Variants in PLEKHA7 observed in about 807,000 individuals in gnomAD.
The protein encoded by PLEKHA7 is pleckstrin homology domain-containing family A member 7.
A neutral mutation model predicts 170.0 loss-of-function variants in PLEKHA7; 104 were observed. The ratio of observed to expected loss-of-function variants is 0.61; its 90% CI spans 0.52 to 0.72. PLEKHA7 has a LOEUF of 0.72. PLEKHA7 is among the 30% of genes least tolerant of loss of function. The probability of loss-of-function intolerance (pLI) is 0.00; values close to 1 mark genes in which losing one functional copy is unlikely to be tolerated. For synonymous variants in PLEKHA7, 648 were observed against 660.8 expected (o/e 0.98, Z 0.30); for missense variants, 1,615 against 1,671.7 (o/e 0.97, Z 0.59).
In PLEKHA7 at chr11:16,791,857, T is replaced by C. The variant is rs927954840; in HGVS notation, c.2746-658A>G. The C allele has an allele frequency of 8.1e-6, 3 of 370,434 alleles. No homozygotes were observed. The highest frequency in any genetic ancestry group is 2.0e-5 in the South Asian group (1 of 50,398). The allele number at this position is 370,434 out of a possible 1,614,324, so 22.9% of individuals were successfully genotyped here. A position where few individuals can be genotyped will look rare whatever the true frequency, so the allele number is the denominator to read the frequency against. On this transcript the variant is annotated intron_variant, in intron 19 of 26. Coordinates refer to ENST00000531066, the MANE Select transcript of PLEKHA7 (RefSeq NM_001329630.2). The surrounding 1 kb of genome is among the most constrained non-coding windows in gnomAD (Gnocchi z 4.5). ...ATGCAACATTTTCCTTGAAACTCCC[T>C]GTCCACAGTGTTCTGTGAGGGCTGT...
intron 3 of PLEKHA7, among the ~76,000 whole-genome samples, chr11:16,994,769 C>T (rs778693023): frequency 2.5e-4 from 38 of 152,140 alleles, no homozygotes; most frequent in Admixed American, 2.0e-4. Flanking sequence ...AGATCCAGCT[C>T]GGGCTCTCCA....
chr11:16,786,860 A>G (rs1346885436), intron 23 of PLEKHA7: 1 of 985,302 alleles, frequency 1.0e-6, no homozygotes, highest in Non-Finnish European at 1.2e-6. Flanking sequence ...AATTTTCAAC[A>G]AGATAACATT....
At chr11:16,916,508 C>G (rs1376296009) in intron 3 of PLEKHA7, among the ~76,000 whole-genome samples, 1 of 152,198 alleles carries the variant, frequency 6.6e-6, no homozygotes, top group Non-Finnish European at 1.5e-5. Context: ...ATGAGGAAAA[C>G]AGTCCCTACC....
chr11:16,873,308 G>A (rs1211668274), intron 3 of PLEKHA7, among the ~76,000 whole-genome samples: 2 of 152,180 alleles, frequency 1.3e-5, no homozygotes, highest in East Asian at 3.9e-4. Flanking sequence ...CAGAACCTCT[G>A]ATGTCCAGGT....
chr11:16,828,016 GC>G (rs1403627864), intron 9 of PLEKHA7, among the ~76,000 whole-genome samples: 1 of 152,156 alleles, frequency 6.6e-6, no homozygotes, highest in African/African-American at 2.4e-5. Flanking sequence ...CACAGATTCA[GC>G]GCAGAAGCAA....
At chr11:16,867,265 A>G (rs2135601683) in intron 4 of PLEKHA7, among the ~76,000 whole-genome samples, 1 of 152,364 alleles carries the variant, frequency 6.6e-6, no homozygotes, top group Admixed American at 6.5e-5. Flanking sequence ...TCTCTGATTC[A>G]GTAGGCCTGG....
chr11:16,912,382 CAA>C (rs962078469), intron 3 of PLEKHA7, among the ~76,000 whole-genome samples: 1 of 152,168 alleles, frequency 6.6e-6, no homozygotes, highest in Non-Finnish European at 1.5e-5. Context: ...CATTCAGCAC[CAA>C]AGAGAATTTG....
intron 3 of PLEKHA7, among the ~76,000 whole-genome samples, chr11:16,927,080 GGGGT>G (rs1186054971): frequency 6.6e-6 from 1 of 151,614 alleles, no homozygotes; most frequent in Non-Finnish European, 1.5e-5. Context: ...GGCTGAGGCG[GGGGT>G]GGGGGCAGGG....
intron 6 of PLEKHA7, among the ~76,000 whole-genome samples, chr11:16,854,339 G>T (rs558754736): frequency 1.3e-5 from 2 of 152,292 alleles, no homozygotes; most frequent in South Asian, 4.2e-4. Context: ...TGGTGATAGT[G>T]CTGAGGTTTC....
At chr11:16,913,241 AT>A (rs528771896) in intron 3 of PLEKHA7, among the ~76,000 whole-genome samples, 18 of 151,344 alleles carry the variant, frequency 1.2e-4, no homozygotes, top group East Asian at 5.8e-4. Context: ...CTCCAGCCAC[AT>A]TTTTTTTTCC....
chr11:16,787,013 A>G, intron 23 of PLEKHA7: 2 of 985,066 alleles, frequency 2.0e-6, no homozygotes, highest in Non-Finnish European at 2.4e-6. Context: ...AAAAAACTAA[A>G]TCATATAAAA....
chr11:17,012,485 T>A (rs891030682), intron 3 of PLEKHA7, among the ~76,000 whole-genome samples: 2 of 152,322 alleles, frequency 1.3e-5, no homozygotes, highest in Middle Eastern at 3.4e-3. Flanking sequence ...ATGTTGCCTA[T>A]TCAGAAACAC....
chr11:16,980,532 C>T (rs867739130), intron 3 of PLEKHA7, among the ~76,000 whole-genome samples: 7 of 152,092 alleles, frequency 4.6e-5, no homozygotes, highest in African/African-American at 1.7e-4. Context: ...TAAGGCATGG[C>T]GGATGAAAGC....
Position 16,794,476 on chromosome 11 carries a change from A to G in PLEKHA7, c.2745+12T>C, listed in dbSNP as rs1484690533. The G allele has an allele frequency of 1.2e-6, 2 of 1,605,406 alleles. No individual in the cohort carries two copies. Among genetic ancestry groups the G allele is most frequent in the South Asian group, 1.1e-5 (1 of 90,908 alleles). ...AAACAATGGCATTCAGCTCCTAGTT[A>G]TCACTACTTACAACTTTGGGCTTCG... On this transcript the variant is annotated intron_variant, in intron 19 of 26. Transcript: ENST00000531066.
intron 7 of PLEKHA7, among the ~76,000 whole-genome samples, chr11:16,851,501 G>A (rs946704747): frequency 6.6e-6 from 1 of 152,060 alleles, no homozygotes; most frequent in Non-Finnish European, 1.5e-5. Flanking sequence ...CCAAGCTGGA[G>A]TCAAGAGCAT....
intron 3 of PLEKHA7, among the ~76,000 whole-genome samples, chr11:16,935,106 T>C (rs369580399): frequency 6.6e-6 from 1 of 152,170 alleles, no homozygotes; most frequent in East Asian, 1.9e-4. Flanking sequence ...TGTGGGGAAA[T>C]TGGGAAAAAG....
intron 3 of PLEKHA7, among the ~76,000 whole-genome samples, chr11:16,973,921 C>T (rs1862883818): frequency 1.3e-5 from 2 of 152,184 alleles, no homozygotes. Flanking sequence ...TTGGACACCC[C>T]CAGGACATTC....
chr11:17,004,907 G>A (rs999893255), intron 3 of PLEKHA7, among the ~76,000 whole-genome samples: 17 of 152,090 alleles, frequency 1.1e-4, no homozygotes, highest in African/African-American at 3.6e-4. Flanking sequence ...ATATTCCTCC[G>A]TGTTTTTCCC....
intron 17 of PLEKHA7, among the ~76,000 whole-genome samples, chr11:16,796,768 G>A (rs551919503): frequency 6.6e-6 from 1 of 152,094 alleles, no homozygotes; most frequent in African/African-American, 2.4e-5. Flanking sequence ...TGATCCTCTC[G>A]CCTTGGCCTC....
Sources: allele counts gnomAD v4.1 joint callset (sites outside exome capture counted in the v4.1 genomes callset), GRCh38; gene constraint gnomAD v4.1.1; non-coding constraint Gnocchi (gnomAD v3.1); transcripts MANE v1.5; gene names NCBI Gene and HGNC (gene_info 2026-07-23, HGNC 2026-07-21).